Variants in GRM1 observed in about 807,000 individuals in gnomAD.
The protein encoded by GRM1 is metabotropic glutamate receptor 1.
GRM1 carries 33 observed loss-of-function variants against 90.9 expected under a neutral mutation model. The ratio of observed to expected loss-of-function variants is 0.36; its 90% CI spans 0.28 to 0.49. GRM1 has a LOEUF of 0.49. GRM1 is among the 20% of genes least tolerant of loss of function. GRM1 has a pLI of 0.99. For synonymous variants in GRM1, 700 were observed against 613.2 expected (o/e 1.14, Z -2.09); for missense variants, 1,190 against 1,534.3 (o/e 0.78, Z 3.75).
At chr6:146,278,919 A>G (rs1782469674) in intron 2 of GRM1, among the ~76,000 whole-genome samples, 2 of 152,112 alleles carry the variant, frequency 1.3e-5, no homozygotes, top group South Asian at 4.1e-4. Flanking sequence ...GTTAGTCAGG[A>G]TGGTCTCAAT....
chr6:146,089,947 A>G (rs1776663239), intron 1 of GRM1, among the ~76,000 whole-genome samples: 1 of 152,068 alleles, frequency 6.6e-6, no homozygotes, highest in South Asian at 2.1e-4. Flanking sequence ...AACTCTGCCA[A>G]TGTTTCTCCT....
intron 3 of GRM1, among the ~76,000 whole-genome samples, chr6:146,321,332 C>T (rs779973502): frequency 2.0e-5 from 3 of 151,992 alleles, no homozygotes; most frequent in African/African-American, 7.2e-5. Context: ...CTGTCGTCTG[C>T]GAGACTGTTT....
chr6:146,030,791 T>C (rs1790678855), intron 1 of GRM1, among the ~76,000 whole-genome samples: 1 of 152,218 alleles, frequency 6.6e-6, no homozygotes, highest in African/African-American at 2.4e-5. Context: ...TTTTTACTTC[T>C]GGAGTACCTT....
chr6:146,197,713 A>G (rs1220312702), intron 2 of GRM1, among the ~76,000 whole-genome samples: 1 of 152,252 alleles, frequency 6.6e-6, no homozygotes, highest in East Asian at 1.9e-4. Flanking sequence ...TCCTCTGTGA[A>G]TGACAACTGT....
chr6:146,274,588 T>A (rs1481795914), intron 2 of GRM1, among the ~76,000 whole-genome samples: 1 of 152,230 alleles, frequency 6.6e-6, no homozygotes, highest in Admixed American at 6.5e-5. Context: ...TTTTCAACTA[T>A]TTTAAGATTA....
intron 2 of GRM1, among the ~76,000 whole-genome samples, chr6:146,186,258 G>T (rs1020340116): frequency 3.3e-5 from 5 of 151,858 alleles, no homozygotes; most frequent in African/African-American, 1.2e-4. Flanking sequence ...GATACCAGGC[G>T]TGAGCCACCA....
At chr6:146,417,625 C>T (rs1400943727) in intron 7 of GRM1, among the ~76,000 whole-genome samples, 1 of 152,102 alleles carries the variant, frequency 6.6e-6, no homozygotes, top group African/African-American at 2.4e-5. Flanking sequence ...GTAAAATAAA[C>T]GTTAGTGGAA....
intron 2 of GRM1, among the ~76,000 whole-genome samples, chr6:146,182,482 TC>T (rs1413655893): frequency 6.6e-6 from 1 of 152,300 alleles, no homozygotes; most frequent in African/African-American, 2.4e-5. Flanking sequence ...ACTTCAAAAC[TC>T]ATTCATTTGC....
intron 2 of GRM1, among the ~76,000 whole-genome samples, chr6:146,234,675 T>C (rs1780572827): frequency 1.3e-5 from 2 of 152,182 alleles, no homozygotes; most frequent in African/African-American, 4.8e-5. Context: ...ATTGCAACTA[T>C]GTTTGCTTGT....
chr6:146,416,285 AT>A (rs966807097), intron 7 of GRM1, among the ~76,000 whole-genome samples: 61 of 151,490 alleles, frequency 4.0e-4, no homozygotes, highest in African/African-American at 1.4e-3. Flanking sequence ...GTTCCATTTT[AT>A]TTTTTTTCCT....
At chr6:146,373,628 AATGAG>A (rs1775986130) in intron 5 of GRM1, among the ~76,000 whole-genome samples, 2 of 152,046 alleles carry the variant, frequency 1.3e-5, no homozygotes, top group Admixed American at 6.6e-5. Flanking sequence ...GGCTATTGTA[AATGAG>A]ATTACTTTTT....
intron 2 of GRM1, among the ~76,000 whole-genome samples, chr6:146,189,368 C>CT (rs1420456656): frequency 6.6e-6 from 1 of 152,202 alleles, no homozygotes; most frequent in African/African-American, 2.4e-5. Flanking sequence ...CATCCTGCTG[C>CT]TTTTTCCATC....
chr6:146,260,202 C>T (rs904772509), intron 2 of GRM1, among the ~76,000 whole-genome samples: 1 of 151,746 alleles, frequency 6.6e-6, no homozygotes, highest in Non-Finnish European at 1.5e-5. Flanking sequence ...ATGTTCACCT[C>T]CCTGTGTCCT....
At chr6:146,205,258 T>G (rs9497480) in intron 2 of GRM1, among the ~76,000 whole-genome samples, 16,945 of 152,238 alleles carry the variant, frequency 0.11, 1,858 homozygotes, top group African/African-American at 0.28. Flanking sequence ...TTTCTTTCTT[T>G]ATTGTGAACT....
intron 7 of GRM1, among the ~76,000 whole-genome samples, chr6:146,409,675 T>C (rs916966158): frequency 6.6e-6 from 1 of 152,188 alleles, no homozygotes; most frequent in Non-Finnish European, 1.5e-5. Flanking sequence ...TAAAATATTA[T>C]TAACATTAGT....
intron 3 of GRM1, among the ~76,000 whole-genome samples, chr6:146,322,762 C>A (rs1784247043): frequency 6.6e-6 from 1 of 151,912 alleles, no homozygotes; most frequent in Non-Finnish European, 1.5e-5. Flanking sequence ...CCTCCACCCA[C>A]CCCACAGCAG....
intron 2 of GRM1, among the ~76,000 whole-genome samples, chr6:146,215,040 G>A (rs567825721): frequency 2.0e-5 from 3 of 152,128 alleles, no homozygotes; most frequent in African/African-American, 4.8e-5. Context: ...AAATAGACCC[G>A]TTTTATGATG....
At chr6:146,058,765 G>A (rs1259774033) in intron 1 of GRM1, among the ~76,000 whole-genome samples, 1 of 152,022 alleles carries the variant, frequency 6.6e-6, no homozygotes, top group Non-Finnish European at 1.5e-5. Flanking sequence ...TTTATGTAAT[G>A]GTCTCAATCA....
At chr6:146,206,165 C>T (rs2114630976) in intron 2 of GRM1, among the ~76,000 whole-genome samples, 1 of 152,238 alleles carries the variant, frequency 6.6e-6, no homozygotes, top group African/African-American at 2.4e-5. Flanking sequence ...ATCTTTTCTG[C>T]TTTTGAGTTT....
Sources: gnomAD v4.1 joint callset for allele counts (sites outside exome capture counted in the v4.1 genomes callset) on GRCh38, gnomAD v4.1.1 for gene constraint, MANE v1.5 for transcripts, NCBI Gene and HGNC (gene_info 2026-07-23, HGNC 2026-07-21) for gene names.